TCHP: variants seen among roughly 807,000 people sequenced by gnomAD.
The protein encoded by TCHP is trichoplein keratin filament binding.
A neutral mutation model predicts 88.7 loss-of-function variants in TCHP; 81 were observed. The observed-to-expected ratio is 0.91, with a 90% CI of 0.76 to 1.10. The LOEUF (loss-of-function observed/expected upper bound fraction) is 1.10. Ranked by LOEUF, TCHP falls within the 50% of genes least tolerant of loss-of-function variation. The pLI is 0.00. For missense variants in TCHP, 641 were observed against 632.1 expected (o/e 1.01, Z -0.15); for synonymous variants, 232 against 232.5 (o/e 1.00, Z 0.02).
intron 8 of TCHP, 116 bp from the exon 9 acceptor site, chr12:109,910,945 CTG>C (rs2136078265): frequency 1.9e-5 from 26 of 1,366,050 alleles, no homozygotes; most frequent in South Asian, 3.3e-5. Flanking sequence ...CTTGAGAACA[CTG>C]TGTAGAATCA....
intron 3 of TCHP, among the ~76,000 whole-genome samples, chr12:109,904,370 T>C (rs533232056): frequency 1.3e-5 from 2 of 152,338 alleles, no homozygotes; most frequent in East Asian, 3.9e-4. Context: ...GTGCTTTTCC[T>C]TTCTTCCAGT....
the TCHP span, among the ~76,000 whole-genome samples, chr12:109,885,055 G>A: frequency 5.3e-5 from 8 of 152,094 alleles, no homozygotes; most frequent in African/African-American, 1.2e-4. Flanking sequence ...TGCAACCTCC[G>A]CCTCCTGGAT....
rs747096114 is a variant in TCHP at position 109,912,974 on chromosome 12, C to G, written c.1053-17C>G. ...GGCGGGGAGGAGCCTGCTGTCATCCCTTTTGTGTTTGCCCAGGGAGGAGGC... is the reference window on the plus strand; with the variant it reads ...GGCGGGGAGGAGCCTGCTGTCATCCGTTTTGTGTTTGCCCAGGGAGGAGGC... On this transcript the variant is annotated splice_polypyrimidine_tract_variant and intron_variant, in intron 9 of 12. Transcript: ENST00000405876. The G allele has an allele frequency of 9.9e-6, 16 of 1,613,174 alleles. No individual in the cohort carries two copies. Among genetic ancestry groups the G allele is most frequent in the Non-Finnish European group, 1.4e-5 (16 of 1,179,504 alleles).
intron 11 of TCHP, 22 bp downstream of exon 11, chr12:109,914,649 G>A: frequency 6.3e-7 from 1 of 1,595,812 alleles, no homozygotes; most frequent in South Asian, 1.1e-5. Context: ...CCCAAGGGCG[G>A]GAGGCACCGG....
Position 109,908,917 on chromosome 12 carries a change from C to T in TCHP, c.859C>T (p.Gln287Ter). ...TAACGCTCAACTCAGCAGACGCACA[C>T]AGCAGATCCAAGAGGAGCTGGTAAG... ...QYNAQLSRRT[Q>*]QIQEELEADR... is the part of the protein sequence containing the mutation. Residue 287 changes from glutamine (Q) to a stop codon, truncating the protein, a stop_gained, in exon 8 of 13, where the codon CAG becomes TAG. Coordinates refer to ENST00000405876, the MANE Select transcript of TCHP (RefSeq NM_001143852.2). LOFTEE classifies it high-confidence loss of function. 1 of 1,614,242 alleles carries T rather than the reference C, an allele frequency of 6.2e-7. No individual in the cohort carries two copies. The highest frequency in any genetic ancestry group is 8.5e-7 in the Non-Finnish European group (1 of 1,180,044).
At chr12:109,914,871 G>A (rs898746855) in intron 11 of TCHP, 1 of 471,856 alleles carries the variant, frequency 2.1e-6, no homozygotes, top group Non-Finnish European at 3.8e-6. Flanking sequence ...GTCTGCTTCT[G>A]CAAGCAGTTG....
At chr12:109,912,129 T>C (rs1282434018) in intron 9 of TCHP, among the ~76,000 whole-genome samples, 2 of 152,226 alleles carry the variant, frequency 1.3e-5, no homozygotes, top group Non-Finnish European at 2.9e-5. Flanking sequence ...GAATGCTGCT[T>C]ACATCTATAA....
intron 5 of TCHP, 94 bp from the exon 6 acceptor site, chr12:109,907,432 C>G (rs1870203397): frequency 7.5e-7 from 1 of 1,329,566 alleles, no homozygotes; most frequent in Admixed American, 2.0e-5. Flanking sequence ...CAGGAACTGC[C>G]TGGGCCCTGT....
At position 109,905,839 on chromosome 12, in the gene TCHP, A is replaced by G. The variant is rs1419399701; in HGVS notation, c.457-733A>G. 6.6e-6 allele frequency among the ~76,000 whole-genome samples: 1 copy of G among 152,158 alleles called. No individual in the cohort carries two copies. Among genetic ancestry groups the G allele is most frequent in the Non-Finnish European group, 1.5e-5 (1 of 68,030 alleles). On this transcript the variant is annotated intron_variant, in intron 4 of 12. Coordinates refer to ENST00000405876, the MANE Select transcript of TCHP (RefSeq NM_001143852.2). This position sits in a 1 kb window ranked among gnomAD's most constrained non-coding sequence, Gnocchi z 4.0. ...TTCAGAACATTCAAGTTAATTGCCT[A>G]TGTTCACAGCTGTAAGTTGGGAAAG...
chr12:109,911,524 A>T (rs375182177), intron 9 of TCHP, among the ~76,000 whole-genome samples: 9 of 149,722 alleles, frequency 6.0e-5, no homozygotes, highest in South Asian at 2.2e-4. Flanking sequence ...AAGTGGGAGG[A>T]TCACTTGAGC....
intron 7 of TCHP, 41 bp downstream of exon 7, chr12:109,908,739 G>A (rs768412596): frequency 2.6e-6 from 4 of 1,567,088 alleles, no homozygotes; most frequent in Non-Finnish European, 3.5e-6. Context: ...CAGGCGGGTG[G>A]GCCTCTTGCT....
chr12:109,913,901 C>T (rs536074023), intron 10 of TCHP, among the ~76,000 whole-genome samples: 2 of 152,334 alleles, frequency 1.3e-5, no homozygotes, highest in East Asian at 3.9e-4. Context: ...CTGTTCCCCC[C>T]AGCCCTGCAG....
At chr12:109,891,305 A>G in the TCHP span, among the ~76,000 whole-genome samples, 1 of 152,180 alleles carries the variant, frequency 6.6e-6, no homozygotes, top group Non-Finnish European at 1.5e-5. Context: ...TGGTACTTCT[A>G]ATGCTGTGTA....
At chr12:109,887,249 C>A in the TCHP span, among the ~76,000 whole-genome samples, 7 of 151,826 alleles carry the variant, frequency 4.6e-5, no homozygotes, top group Non-Finnish European at 5.9e-5. Context: ...TGGTGAAACT[C>A]TGTCTCTACT....
intron 3 of TCHP, 101 bp from the exon 4 acceptor site, chr12:109,904,636 G>T (rs1287705090): frequency 1.0e-6 from 1 of 987,978 alleles, no homozygotes; most frequent in Non-Finnish European, 1.6e-6. Context: ...GGTGTGAAGG[G>T]AGGCACTCAT....
At chr12:109,906,801 C>T (rs1306367499) in intron 5 of TCHP, among the ~76,000 whole-genome samples, 161 bp downstream of exon 5, 1 of 152,200 alleles carries the variant, frequency 6.6e-6, no homozygotes. Flanking sequence ...AATGTTTGCT[C>T]TTACATATAC....
In TCHP at chr12:109,903,122, G is replaced by T. The variant is rs772446180; in HGVS notation, c.96G>T (p.Gln32His). The change falls in exon 2 of 13, where the codon CAG (glutamine) becomes CAT (histidine). Residue 32 changes from glutamine to histidine, a missense_variant. Coordinates refer to ENST00000405876, the MANE Select transcript of TCHP (RefSeq NM_001143852.2). The surrounding 1 kb of genome is among the most constrained non-coding windows in gnomAD (Gnocchi z 4.6). ...RQREQEARLRQQWEQNSRYFR... is the reference protein window; with the variant it reads ...RQREQEARLRHQWEQNSRYFR... The stretch of plus-strand genomic sequence containing the variant: ...GAGAGCAGGAGGCCCGGCTTCGGCA[G>T]CAGTGGGAGCAGAACAGCCGTTACT... 4 of 1,614,090 alleles carry T rather than the reference G, an allele frequency of 2.5e-6. No individual in the cohort carries two copies. The East Asian group carries it at 8.9e-5, about 36-fold the overall frequency.
chr12:109,883,018 A>C, the TCHP span, among the ~76,000 whole-genome samples: 1 of 151,088 alleles, frequency 6.6e-6, no homozygotes, highest in African/African-American at 2.4e-5. Flanking sequence ...GCTGAATCTT[A>C]TAGAATGTTT....
At chr12:109,900,489 C>T (rs998049645) in intron 1 of TCHP, 63 bp downstream of exon 1, 1 of 152,238 alleles carries the variant, frequency 6.6e-6, no homozygotes, top group African/African-American at 2.4e-5. Flanking sequence ...AGGCGGCCCG[C>T]GCGGGCGGGA....
Sources: allele counts gnomAD v4.1 joint callset (sites outside exome capture counted in the v4.1 genomes callset), GRCh38; gene constraint gnomAD v4.1.1; non-coding constraint Gnocchi (gnomAD v3.1); transcripts MANE v1.5; gene names NCBI Gene and HGNC (gene_info 2026-07-23, HGNC 2026-07-21).